VAV3: variants seen among roughly 807,000 people sequenced by gnomAD.
VAV3 encodes the protein guanine nucleotide exchange factor VAV3.
VAV3 carries 94 observed loss-of-function variants against 131.2 expected under a neutral mutation model. That is an observed-to-expected ratio of 0.72 (90% CI 0.61 to 0.85). The LOEUF is 0.85. VAV3 is among the 40% of genes least tolerant of loss of function. The pLI, the probability that VAV3 is intolerant of heterozygous loss-of-function variation, is 0.00. For missense variants in VAV3, 939 were observed against 1,002.7 expected, an observed-to-expected ratio of 0.94 and a Z score of 0.86; for synonymous variants, 349 against 342.0, an observed-to-expected ratio of 1.02 and a Z score of -0.22.
intron 1 of VAV3, among the ~76,000 whole-genome samples, chr1:107,890,632 T>A (rs1671267898): frequency 6.6e-6 from 1 of 152,226 alleles, no homozygotes; most frequent in Non-Finnish European, 1.5e-5. Flanking sequence ...CTAACTCGAA[T>A]TCTGTTAATT....
intron 22 of VAV3, among the ~76,000 whole-genome samples, chr1:107,609,260 C>T (rs764138613): frequency 2.6e-5 from 4 of 152,084 alleles, no homozygotes; most frequent in Non-Finnish European, 4.4e-5. Context: ...TTGGAGATAT[C>T]TAGAAAATAA....
chr1:107,899,048 AT>A (rs1488377193), intron 1 of VAV3, among the ~76,000 whole-genome samples: 2 of 152,184 alleles, frequency 1.3e-5, no homozygotes, highest in African/African-American at 4.8e-5. Flanking sequence ...AGTTCAATAA[AT>A]GGTTCAAGTA....
intron 1 of VAV3, among the ~76,000 whole-genome samples, chr1:107,937,178 G>A (rs944942809): frequency 3.9e-5 from 6 of 152,100 alleles, no homozygotes; most frequent in African/African-American, 9.7e-5. Context: ...AATATTTGGC[G>A]ATCTGAAAAA....
intron 15 of VAV3, among the ~76,000 whole-genome samples, chr1:107,728,926 T>C (rs1662045176): frequency 6.6e-6 from 1 of 152,212 alleles, no homozygotes; most frequent in South Asian, 2.1e-4. Context: ...TCCGACAGTA[T>C]GCAGAAAATC....
intron 19 of VAV3, 130 bp downstream of exon 19, chr1:107,683,358 T>A (rs1390468462): frequency 1.0e-6 from 1 of 994,708 alleles, no homozygotes; most frequent in African/African-American, 1.6e-5. Context: ...GACCTCCTGG[T>A]CACACATTAT....
chr1:107,589,896 A>T (rs1439862560), intron 25 of VAV3, among the ~76,000 whole-genome samples: 1 of 152,202 alleles, frequency 6.6e-6, no homozygotes, highest in East Asian at 1.9e-4. Context: ...AATTATTAGG[A>T]TGTTTAAGGA....
intron 19 of VAV3, among the ~76,000 whole-genome samples, chr1:107,664,189 A>G (rs888610059): frequency 6.6e-6 from 1 of 151,636 alleles, no homozygotes; most frequent in African/African-American, 2.4e-5. Flanking sequence ...CTCCTATTTT[A>G]TTTTTCTTCA....
At chr1:107,822,084 G>A (rs1448172317) in intron 2 of VAV3, among the ~76,000 whole-genome samples, 1 of 152,054 alleles carries the variant, frequency 6.6e-6, no homozygotes, top group Non-Finnish European at 1.5e-5. Context: ...GCAGGACTAG[G>A]GCAAAAACTC....
chr1:107,928,159 C>T (rs1188417666), intron 1 of VAV3, among the ~76,000 whole-genome samples: 3 of 152,278 alleles, frequency 2.0e-5, no homozygotes, highest in South Asian at 4.2e-4. Flanking sequence ...TATCAAAGAC[C>T]ATCAAGGCGG....
intron 15 of VAV3, among the ~76,000 whole-genome samples, chr1:107,721,679 G>C (rs1486059710): frequency 6.6e-6 from 1 of 152,124 alleles, no homozygotes; most frequent in African/African-American, 2.4e-5. Context: ...TAGGTATCAA[G>C]GCTACCTTAC....
chr1:107,634,487 A>G (rs1455233872), intron 20 of VAV3, among the ~76,000 whole-genome samples: 4 of 152,180 alleles, frequency 2.6e-5, no homozygotes, highest in Non-Finnish European at 4.4e-5. Flanking sequence ...TGGATTAAAG[A>G]CTTACATGTT....
At position 107,770,656 on chromosome 1, in the gene VAV3, T is replaced by C. The variant is rs1175214176; in HGVS notation, c.628A>G (p.Thr210Ala). 1.2e-6 allele frequency: 2 copies of C among 1,610,782 alleles called. No individual in the cohort carries two copies. Among genetic ancestry groups the C allele is most frequent in the East Asian group, 4.5e-5 (2 of 44,690 alleles). ...CTTACCTTTTCTATTGACTCCAAAG[T>C]TTCTGTATATTTTTCTTCTGTCTGC... ...IKQTEEKYTE[T>A]LESIEKYFMA... The change falls in exon 6 of 27, where the codon ACT becomes GCT. Residue 210 changes from threonine to alanine, a missense_variant. Thr to Ala is a moderately conservative substitution (Grantham distance 58, BLOSUM62 0). Transcript: ENST00000370056.
intron 2 of VAV3, among the ~76,000 whole-genome samples, chr1:107,780,841 A>T (rs1446885280): frequency 6.6e-6 from 1 of 152,190 alleles, no homozygotes; most frequent in Non-Finnish European, 1.5e-5. Flanking sequence ...ATGATAATAG[A>T]TATAATGCAT....
At position 107,723,968 on chromosome 1, in the gene VAV3, T is replaced by C. The variant is rs557274337; in HGVS notation, c.1503-18907A>G. On this transcript the variant is annotated intron_variant, in intron 15 of 26. Coordinates refer to ENST00000370056, the MANE Select transcript of VAV3 (RefSeq NM_006113.5). ...GAGGTAGCTATTATGTCTCCATTTT[T>C]TTCATTTCTAAATTGAAGCTCAGAA... Among the ~76,000 whole-genome samples the C allele has an allele frequency of 5.3e-5, 8 of 152,280 alleles. No homozygotes were observed. The South Asian group carries it at 1.5e-3, about 28-fold the overall frequency.
intron 1 of VAV3, among the ~76,000 whole-genome samples, chr1:107,885,850 CTG>C (rs1270802089): frequency 6.6e-6 from 1 of 152,174 alleles, no homozygotes; most frequent in Non-Finnish European, 1.5e-5. Context: ...ATATGGCAGA[CTG>C]TCCCAAACTA....
At chr1:107,587,892 C>T (rs1384200839) in intron 25 of VAV3, among the ~76,000 whole-genome samples, 4 of 151,980 alleles carry the variant, frequency 2.6e-5, no homozygotes, top group East Asian at 1.9e-4. Context: ...TCTGCCTGGC[C>T]GAGACCAGTT....
intron 25 of VAV3, among the ~76,000 whole-genome samples, chr1:107,588,214 T>C (rs1177238861): frequency 1.3e-5 from 2 of 152,180 alleles, no homozygotes; most frequent in Non-Finnish European, 2.9e-5. Context: ...AGATGTGCAA[T>C]TGCAGTTGAT....
intron 20 of VAV3, among the ~76,000 whole-genome samples, chr1:107,637,895 A>G (rs1245838663): frequency 1.3e-5 from 2 of 152,226 alleles, no homozygotes; most frequent in African/African-American, 4.8e-5. Flanking sequence ...GGATTTAATC[A>G]TAGAAAATAA....
chr1:107,578,468 A>G (rs957504666), intron 25 of VAV3, among the ~76,000 whole-genome samples: 1 of 152,218 alleles, frequency 6.6e-6, no homozygotes, highest in African/African-American at 2.4e-5. Context: ...TTTAATGAGC[A>G]AATGACACAC....
Sources: allele counts gnomAD v4.1 joint callset (sites outside exome capture counted in the v4.1 genomes callset), GRCh38; gene constraint gnomAD v4.1.1; transcripts MANE v1.5; gene names NCBI Gene and HGNC (gene_info 2026-07-23, HGNC 2026-07-21).